The following NPBWR2 variants were observed in gnomAD, a reference collection of about 807,000 sequenced individuals.
NPBWR2 encodes the protein neuropeptides B/W receptor type 2.
For synonymous variants in NPBWR2, 207 were observed against 223.5 expected, an observed-to-expected ratio of 0.93 and a Z score of 0.66; for missense variants, 390 against 458.2, an observed-to-expected ratio of 0.85 and a Z score of 1.36.
Position 64,105,534 on chromosome 20 carries a change from ATGGTGGGGGTGGTGGGGGGGGTGGGCG to A in NPBWR2, c.*269_*295del. 6.7e-5 allele frequency among the ~76,000 whole-genome samples: 1 copy of A among 14,816 alleles called. No homozygotes were observed. The highest frequency in any genetic ancestry group is 3.5e-4 in the African/African-American group (1 of 2,846). The allele number at this position is 14,816 out of a possible 152,430, so 9.7% of individuals were successfully genotyped here. On this transcript the variant is annotated 3_prime_UTR_variant, in exon 2 of 2. Transcript: ENST00000684052. ...GGGGGTGGGCGTGATGATGGGGGTG[ATGGTGGGGGTGGTGGGGGGGGTGGGCG>A]TGATGATGGGGGTGGGGGTGGGGGT...
chr20:64,107,463 A>G lies in NPBWR2; in HGVS notation c.-191T>C, dbSNP rs1299313058. 6.6e-6 allele frequency among the ~76,000 whole-genome samples: 1 copy of G among 152,060 alleles called. No individual in the cohort carries two copies. Among genetic ancestry groups the G allele is most frequent in the Non-Finnish European group, 1.5e-5 (1 of 68,000 alleles). On this transcript the variant is annotated 5_prime_UTR_variant, in exon 1 of 2. Coordinates refer to ENST00000684052, the MANE Select transcript of NPBWR2 (RefSeq NM_005286.4). The surrounding 1 kb of genome is among the most constrained non-coding windows in gnomAD (Gnocchi z 6.3). ...GGATGGAGGGCGAGGTGTGGTCCTC[A>G]CTGACAGACCTCCAGCTGAGGTTTC...
Position 64,105,728 on chromosome 20 carries a change from G to GCATGATGAT in NPBWR2, c.*101_*102insATCATCATG. Reference sequence around the variant, plus strand: ...TGGTGGGGGTGGTGGTGGGGGTGGGGGGGGGTGGGCCTGATGGGGGTGTGG... The same window carrying GCATGATGAT: ...TGGTGGGGGTGGTGGTGGGGGTGGGGCATGATGATGGGGGTGGGCCTGATGGGGGTGTGG... On this transcript the variant is annotated 3_prime_UTR_variant, in exon 2 of 2. Coordinates refer to ENST00000684052, the MANE Select transcript of NPBWR2 (RefSeq NM_005286.4). 1 of 720,384 alleles carries GCATGATGAT rather than the reference G, an allele frequency of 1.4e-6. No individual in the cohort carries two copies. Among genetic ancestry groups the GCATGATGAT allele is most frequent in the Non-Finnish European group, 2.1e-6 (1 of 483,398 alleles). 44.6% of individuals were successfully genotyped at this position (720,384 alleles called of 1,614,324 possible). A position where few individuals can be genotyped will look rare whatever the true frequency, so the allele number is the denominator to read the frequency against.
chr20:64,106,975 C>T lies in NPBWR2; in HGVS notation c.-91-53G>A. On this transcript the variant is annotated intron_variant, in intron 1 of 1. Transcript: ENST00000684052. The surrounding 1 kb of genome is among the most constrained non-coding windows in gnomAD (Gnocchi z 9.5). ...TGAGATCCGGCCGTCTGTTAGGGCA[C>T]AGCCACTCCAGGTTCTCTGGCAGAG... 1 of 990,782 alleles carries T rather than the reference C, an allele frequency of 1.0e-6. No homozygotes were observed. 61.4% of individuals were successfully genotyped at this position (990,782 alleles called of 1,614,324 possible).
rs879234917 is a variant in NPBWR2, at chr20:64,104,527, A to C, written c.*1303T>G. Reference sequence around the variant, plus strand: ...CACAGGCCATGGAGAGGACCGTCAGACACAGCAGGGGGGCACAGGGGAGCA... The same window carrying C: ...CACAGGCCATGGAGAGGACCGTCAGCCACAGCAGGGGGGCACAGGGGAGCA... On this transcript the variant is annotated 3_prime_UTR_variant, in exon 2 of 2. Coordinates refer to ENST00000684052, the MANE Select transcript of NPBWR2 (RefSeq NM_005286.4). Among the ~76,000 whole-genome samples the C allele has an allele frequency of 0.079, 9,131 of 115,928 alleles. 204 individuals are homozygous for C. Among genetic ancestry groups the C allele is most frequent in the Non-Finnish European group, 0.11 (5,717 of 54,132 alleles). 76.1% of individuals were successfully genotyped at this position (115,928 alleles called of 152,430 possible).
In NPBWR2 at chr20:64,107,068, C is replaced by A; in HGVS notation, c.-91-146G>T. On this transcript the variant is annotated intron_variant, in intron 1 of 1. Coordinates refer to ENST00000684052, the MANE Select transcript of NPBWR2 (RefSeq NM_005286.4). This position sits in a 1 kb window ranked among gnomAD's most constrained non-coding sequence, Gnocchi z 6.3. ...AGCCTGGTGGGGTGTGTGGGGGCCT[C>A]CTCCCGCCTCTTCCTGGTGAGACTT... 5 of 606,538 alleles carry A rather than the reference C, an allele frequency of 8.2e-6. No individual in the cohort carries two copies. Among genetic ancestry groups the A allele is most frequent in the Non-Finnish European group, 1.5e-5 (5 of 334,218 alleles). The allele number at this position is 606,538 out of a possible 1,614,324, so 37.6% of individuals were successfully genotyped here. A position where few individuals can be genotyped will look rare whatever the true frequency, so the allele number is the denominator to read the frequency against.
In NPBWR2 at chr20:64,105,730, G is replaced by T. The variant is rs1170867092; in HGVS notation, c.*100C>A. Reference sequence around the variant, plus strand: ...GTGGGGGTGGTGGTGGGGGTGGGGGGGGGTGGGCCTGATGGGGGTGTGGGC... The same window carrying T: ...GTGGGGGTGGTGGTGGGGGTGGGGGTGGGTGGGCCTGATGGGGGTGTGGGC... On this transcript the variant is annotated 3_prime_UTR_variant, in exon 2 of 2. Coordinates refer to ENST00000684052, the MANE Select transcript of NPBWR2 (RefSeq NM_005286.4). 4.7e-5 allele frequency: 25 copies of T among 536,954 alleles called. No homozygotes were observed. The highest frequency in any genetic ancestry group is 5.5e-5 in the Non-Finnish European group (20 of 365,730). 33.3% of individuals were successfully genotyped at this position (536,954 alleles called of 1,614,324 possible).
rs1254447364 is a variant in NPBWR2, at chr20:64,106,765, C to T, written c.67G>A (p.Ala23Thr). 1 of 1,612,724 alleles carries T rather than the reference C, an allele frequency of 6.2e-7. No individual in the cohort carries two copies. Reference sequence around the variant, plus strand: ...GTGCCATTGTCCTGAGAGACGTTGGCACCCATCGTGGGGAGGGAGAAGGAG... The same window carrying T: ...GTGCCATTGTCCTGAGAGACGTTGGTACCCATCGTGGGGAGGGAGAAGGAG... Reference protein sequence around the residue: ...RGSFSLPTMGANVSQDNGTGH... With the variant: ...RGSFSLPTMGTNVSQDNGTGH... Residue 23 changes from alanine (A) to threonine (T), a missense_variant, in exon 2 of 2, where the codon GCC becomes ACC. Physicochemically the swap from Ala to Thr is moderately conservative, Grantham distance 58 (BLOSUM62 0). Coordinates refer to ENST00000684052, the MANE Select transcript of NPBWR2 (RefSeq NM_005286.4). This position sits in a 1 kb window ranked among gnomAD's most constrained non-coding sequence, Gnocchi z 9.5.
Position 64,105,785 on chromosome 20 carries a change from G to GT in NPBWR2, c.*44_*45insA. On this transcript the variant is annotated 3_prime_UTR_variant, in exon 2 of 2. Coordinates refer to ENST00000684052, the MANE Select transcript of NPBWR2 (RefSeq NM_005286.4). ...TGATGATGGGCGTGATGATGATGGGGGGTGATGATGGGCATGATGATGGGG... is the reference window on the plus strand; with the variant it reads ...TGATGATGGGCGTGATGATGATGGGGTGGTGATGATGGGCATGATGATGGGG... 3 of 1,315,010 alleles carry GT rather than the reference G, an allele frequency of 2.3e-6. No individual in the cohort carries two copies. The highest frequency in any genetic ancestry group is 3.1e-6 in the Non-Finnish European group (3 of 973,490). 81.5% of individuals were successfully genotyped at this position (1,315,010 alleles called of 1,614,324 possible).
Position 64,106,384 on chromosome 20 carries a change from C to T in NPBWR2, c.448G>A (p.Val150Met), listed in dbSNP as rs565777366. Residue 150 changes from valine (V) to methionine (M), a missense_variant, in exon 2 of 2, where the codon GTG becomes ATG. Coordinates refer to ENST00000684052, the MANE Select transcript of NPBWR2 (RefSeq NM_005286.4). This position sits in a 1 kb window ranked among gnomAD's most constrained non-coding sequence, Gnocchi z 9.5. Reference sequence around the variant, plus strand: ...CGCCAGGGCATGTGGCGGGACCTCACGGTGGCCAGCACCACCAGGTATCGG... The same window carrying T: ...CGCCAGGGCATGTGGCGGGACCTCATGGTGGCCAGCACCACCAGGTATCGG... ...VDRYLVVLAT[V>M]RSRHMPWRTY... is the part of the protein sequence containing the mutation. The T allele has an allele frequency of 6.2e-6, 10 of 1,612,588 alleles. No individual in the cohort carries two copies. The highest frequency in any genetic ancestry group is 4.0e-5 in the African/African-American group (3 of 75,050).
In NPBWR2 at chr20:64,106,357, TGC is replaced by T; in HGVS notation, c.473_474del (p.Arg158HisfsTer163). ...ATVRSRHMPW[R>X]TYRGAKVASL... Reference sequence around the variant, plus strand: ...CTGGCGACCTTCGCCCCCCGGTAGGTGCGCCAGGGCATGTGGCGGGACCTCAC... The same window carrying T: ...CTGGCGACCTTCGCCCCCCGGTAGGTGCCAGGGCATGTGGCGGGACCTCAC... On this transcript the variant is annotated frameshift_variant, in exon 2 of 2. Coordinates refer to ENST00000684052, the MANE Select transcript of NPBWR2 (RefSeq NM_005286.4). LOFTEE classifies it low-confidence loss of function (END_TRUNC). The surrounding 1 kb of genome is among the most constrained non-coding windows in gnomAD (Gnocchi z 9.5). 1 of 1,612,416 alleles carries T rather than the reference TGC, an allele frequency of 6.2e-7. No homozygotes were observed. Among genetic ancestry groups the T allele is most frequent in the Non-Finnish European group, 8.5e-7 (1 of 1,179,928 alleles).
Position 64,106,706 on chromosome 20 carries a change from C to T in NPBWR2, c.126G>A (p.Pro42=), listed in dbSNP as rs150373946. 3.6e-4 allele frequency: 573 copies of T among 1,612,858 alleles called. 3 individuals are homozygous for T. The East Asian group carries it at 0.011, about 32-fold the overall frequency. Reference sequence around the variant, plus strand: ...CGGCGGGCAGGAGCACATAGAGGAACGGCAGTGGCTCGGAGAAGGTGGCAT... The same window carrying T: ...CGGCGGGCAGGAGCACATAGAGGAATGGCAGTGGCTCGGAGAAGGTGGCAT... The part of the protein sequence containing the change: ...GHNATFSEPL[P]FLYVLLPAVY... Residue 42 remains proline, a synonymous_variant, in exon 2 of 2, where the codon CCG becomes CCA. Coordinates refer to ENST00000684052, the MANE Select transcript of NPBWR2 (RefSeq NM_005286.4). This position sits in a 1 kb window ranked among gnomAD's most constrained non-coding sequence, Gnocchi z 9.5.
At position 64,105,839 on chromosome 20, in the gene NPBWR2, C is replaced by A. The variant is rs768652806; in HGVS notation, c.993G>T (p.Leu331Phe). ...ATGGTGCCCAGGCCCTTCAGCACCG[C>A]AATATGCTGCGGAAGTTCTTCCGGA... ...DNFRKNFRSI[L>F]RC The change falls in exon 2 of 2, where the codon TTG becomes TTT. Residue 331 changes from leucine (L) to phenylalanine (F), a missense_variant. Physicochemically the swap from Leu to Phe is conservative, Grantham distance 22. Coordinates refer to ENST00000684052, the MANE Select transcript of NPBWR2 (RefSeq NM_005286.4). 9 of 1,487,820 alleles carry A rather than the reference C, an allele frequency of 6.0e-6. No individual in the cohort carries two copies. The highest frequency in any genetic ancestry group is 8.2e-6 in the Non-Finnish European group (9 of 1,101,718). 92.2% of individuals were successfully genotyped at this position (1,487,820 alleles called of 1,614,324 possible).
chr20:64,107,116 C>G lies in NPBWR2; in HGVS notation c.-91-194G>C, dbSNP rs530735848. 1 of 539,778 alleles carries G rather than the reference C, an allele frequency of 1.9e-6. No individual in the cohort carries two copies. Among genetic ancestry groups the G allele is most frequent in the African/African-American group, 1.9e-5 (1 of 52,804 alleles). 33.4% of individuals were successfully genotyped at this position (539,778 alleles called of 1,614,324 possible). Reference sequence around the variant, plus strand: ...CTTCAGCAGATCAGTTCCCTCCTCCCGCAGAGAGCAGCTGCTGGCCACCCT... The same window carrying G: ...CTTCAGCAGATCAGTTCCCTCCTCCGGCAGAGAGCAGCTGCTGGCCACCCT... On this transcript the variant is annotated intron_variant, in intron 1 of 1. Transcript: ENST00000684052. The surrounding 1 kb of genome is among the most constrained non-coding windows in gnomAD (Gnocchi z 6.3).
Position 64,104,032 on chromosome 20 carries a change from C to T in NPBWR2, c.*1798G>A, listed in dbSNP as rs954341101. Among the ~76,000 whole-genome samples, 27 of 152,148 alleles carry T rather than the reference C, an allele frequency of 1.8e-4. No homozygotes were observed. The highest frequency in any genetic ancestry group is 6.3e-4 in the African/African-American group (26 of 41,450). On this transcript the variant is annotated 3_prime_UTR_variant, in exon 2 of 2. Coordinates refer to ENST00000684052, the MANE Select transcript of NPBWR2 (RefSeq NM_005286.4). ...GCGGTGAATGGTGGGTCCTGTGTGC[C>T]GGCTGGACAGATTGATCAGAGCTCT...
rs1242288182 is a variant in NPBWR2 at position 64,104,276 on chromosome 20, A to T, written c.*1554T>A. ...ACCCTGCCCCCACCAGAGTTTCAGC[A>T]TGCAGCTCCTGCTGGCTGATTACAA... On this transcript the variant is annotated 3_prime_UTR_variant, in exon 2 of 2. Transcript: ENST00000684052. 6.6e-6 allele frequency among the ~76,000 whole-genome samples: 1 copy of T among 152,168 alleles called. No individual in the cohort carries two copies. Among genetic ancestry groups the T allele is most frequent in the African/African-American group, 2.4e-5 (1 of 41,428 alleles).
chr20:64,106,910 C>T lies in NPBWR2; in HGVS notation c.-79G>A. On this transcript the variant is annotated 5_prime_UTR_variant, in exon 2 of 2. Coordinates refer to ENST00000684052, the MANE Select transcript of NPBWR2 (RefSeq NM_005286.4). The surrounding 1 kb of genome is among the most constrained non-coding windows in gnomAD (Gnocchi z 9.5). ...AGTTGGGTATCTGGTTGGGGGCCTC[C>T]TTGGGCTGGATTCTAGGAAAGAAAA... 2 of 1,509,544 alleles carry T rather than the reference C, an allele frequency of 1.3e-6. No individual in the cohort carries two copies. The highest frequency in any genetic ancestry group is 9.0e-7 in the Non-Finnish European group (1 of 1,117,022). The allele number at this position is 1,509,544 out of a possible 1,614,324, so 93.5% of individuals were successfully genotyped here.
Position 64,106,877 on chromosome 20 carries a change from T to C in NPBWR2, c.-46A>G. The C allele has an allele frequency of 6.3e-7, 1 of 1,578,604 alleles. No homozygotes were observed. Among genetic ancestry groups the C allele is most frequent in the Non-Finnish European group, 8.6e-7 (1 of 1,159,500 alleles). ...ATTTGCGCCCTGGGCAGGTGGGAGG[T>C]GCCTTGGAGTTGGGTATCTGGTTGG... On this transcript the variant is annotated 5_prime_UTR_variant, in exon 2 of 2. Transcript: ENST00000684052. This position sits in a 1 kb window ranked among gnomAD's most constrained non-coding sequence, Gnocchi z 9.5.
chr20:64,106,480 T>C lies in NPBWR2; in HGVS notation c.352A>G (p.Lys118Glu). The change falls in exon 2 of 2, where the codon AAG becomes GAG. Residue 118 changes from lysine (K) to glutamate (E), a missense_variant. By Grantham distance (56) the Lys-to-Glu change is moderately conservative. Coordinates refer to ENST00000684052, the MANE Select transcript of NPBWR2 (RefSeq NM_005286.4). The surrounding 1 kb of genome is among the most constrained non-coding windows in gnomAD (Gnocchi z 9.5). ...TAGTGGTCGACGGCCAGCACCAGCT[T>C]GCAGAGCAGCTCCCCGAAGGGCCAG... ...QYWPFGELLC[K>E]LVLAVDHYNI... 1.2e-6 allele frequency: 2 copies of C among 1,612,684 alleles called. No individual in the cohort carries two copies. The highest frequency in any genetic ancestry group is 2.2e-5 in the South Asian group (2 of 91,088).
In NPBWR2 at chr20:64,106,863, G is replaced by T. The variant is rs1056392694; in HGVS notation, c.-32C>A. 3 of 1,590,852 alleles carry T rather than the reference G, an allele frequency of 1.9e-6. No individual in the cohort carries two copies. Among genetic ancestry groups the T allele is most frequent in the Non-Finnish European group, 2.6e-6 (3 of 1,165,232 alleles). On this transcript the variant is annotated 5_prime_UTR_variant, in exon 2 of 2. Coordinates refer to ENST00000684052, the MANE Select transcript of NPBWR2 (RefSeq NM_005286.4). This position sits in a 1 kb window ranked among gnomAD's most constrained non-coding sequence, Gnocchi z 9.5. ...TGGGACCGTTGACGATTTGCGCCCT[G>T]GGCAGGTGGGAGGTGCCTTGGAGTT...
Sources: gnomAD v4.1 joint callset for allele counts (sites outside exome capture counted in the v4.1 genomes callset) on GRCh38, gnomAD v4.1.1 for gene constraint, Gnocchi (gnomAD v3.1) non-coding constraint, MANE v1.5 for transcripts, NCBI Gene and HGNC (gene_info 2026-07-23, HGNC 2026-07-21) for gene names.